UGT1A5: variants seen among roughly 807,000 people sequenced by gnomAD.
UGT1A5 encodes the protein UDP-glucuronosyltransferase 1A5.
A neutral mutation model predicts 40.3 loss-of-function variants in UGT1A5; 29 were observed. That is an observed-to-expected ratio of 0.72 (90% confidence interval 0.54 to 0.98). The LOEUF (loss-of-function observed/expected upper bound fraction) is 0.98. Among genes scored for constraint, UGT1A5 ranks in the 50% least tolerant of loss-of-function variants. UGT1A5 has a pLI of 0.00. For synonymous variants in UGT1A5, 257 were observed against 262.5 expected (o/e 0.98, Z 0.20); for missense variants, 678 against 677.9 (o/e 1.00, Z 0.00).
chr2:233,761,244 C>A lies in UGT1A5; in HGVS notation c.868-5790C>A, dbSNP rs555483711. 5.0e-6 allele frequency: 8 copies of A among 1,610,826 alleles called. No homozygotes were observed. In the African/African-American group the frequency reaches 1.1e-4, roughly 21 times the overall value. On this transcript the variant is annotated intron_variant, in intron 1 of 4. Transcript: ENST00000373414. ...TAGCCCCAGATATATGCTGAGCAAG[C>A]ATTCTGAGATAATTTAAAATGCCCT...
At chr2:233,721,362 A>G (rs1341884248) in intron 1 of UGT1A5, among the ~76,000 whole-genome samples, 1 of 152,182 alleles carries the variant, frequency 6.6e-6, no homozygotes, top group Non-Finnish European at 1.5e-5. Flanking sequence ...ACTGAACTGC[A>G]CTGGCTCAAA....
At chr2:233,721,816 C>A (rs1463155812) in intron 1 of UGT1A5, 4 of 516,128 alleles carry the variant, frequency 7.8e-6, no homozygotes, top group Non-Finnish European at 1.6e-5. Context: ...AAATCCAGCA[C>A]CCTATTTGGG....
chr2:233,722,177 A>G (rs1303891517), intron 1 of UGT1A5: 1 of 157,672 alleles, frequency 6.3e-6, no homozygotes, highest in East Asian at 1.9e-4. Context: ...GACCTTTGCC[A>G]TGTTCGTGCC....
At chr2:233,741,305 C>T (rs1177807292) in intron 1 of UGT1A5, among the ~76,000 whole-genome samples, 1 of 151,474 alleles carries the variant, frequency 6.6e-6, no homozygotes, top group Non-Finnish European at 1.5e-5. Context: ...TGTGTAGATA[C>T]ACACCAACTC....
In UGT1A5 at chr2:233,731,687, A is replaced by G. The variant is rs552192672; in HGVS notation, c.867+17829A>G. Among the ~76,000 whole-genome samples, 734 of 152,308 alleles carry G rather than the reference A, an allele frequency of 4.8e-3. 10 individuals carry two copies. Among genetic ancestry groups the G allele is most frequent in the African/African-American group, 0.017 (699 of 41,550 alleles). On this transcript the variant is annotated intron_variant, in intron 1 of 4. Coordinates refer to ENST00000373414, the MANE Select transcript of UGT1A5 (RefSeq NM_019078.2). ...ATTTTCTTAATCCAGTCTATCATTG[A>G]TGGACATTTGGATTGGTTCCAGGTC...
chr2:233,734,123 A>ATAAT (rs1384319848), intron 1 of UGT1A5, among the ~76,000 whole-genome samples: 1 of 151,918 alleles, frequency 6.6e-6, no homozygotes, highest in Non-Finnish European at 1.5e-5. Context: ...AATAATAATA[A>ATAAT]AAAGAATTTG....
chr2:233,759,780 G>C (rs1697251948), intron 1 of UGT1A5, among the ~76,000 whole-genome samples: 1 of 152,286 alleles, frequency 6.6e-6, no homozygotes, highest in South Asian at 2.1e-4. Context: ...TTGGACGAAG[G>C]AATGAAACAC....
At chr2:233,731,174 T>A (rs1363213399) in intron 1 of UGT1A5, among the ~76,000 whole-genome samples, 2 of 152,202 alleles carry the variant, frequency 1.3e-5, no homozygotes, top group Admixed American at 6.5e-5. Context: ...ATGATTTTTT[T>A]ATGCAATGTA....
intron 4 of UGT1A5, among the ~76,000 whole-genome samples, chr2:233,771,893 A>G (rs546838054): frequency 6.6e-6 from 1 of 150,952 alleles, no homozygotes; most frequent in Admixed American, 6.6e-5. Flanking sequence ...TCTTAATTAT[A>G]ACCTTTCAGG....
Position 233,753,486 on chromosome 2 carries a change from C to T in UGT1A5, c.868-13548C>T, listed in dbSNP as rs1410623213. The T allele has an allele frequency of 2.0e-5, 3 of 152,196 alleles. No homozygotes were observed. The East Asian group carries it at 5.8e-4, about 29-fold the overall frequency. 9.4% of individuals were successfully genotyped at this position (152,196 alleles called of 1,614,324 possible). On this transcript the variant is annotated intron_variant, in intron 1 of 4. Coordinates refer to ENST00000373414, the MANE Select transcript of UGT1A5 (RefSeq NM_019078.2). ...TGTAAAAAATTACCAGCATGCTGCT[C>T]TTAATTTTTTTCAGCCTGTCTAGTT... is the stretch of plus-strand genomic sequence containing the variant.
chr2:233,766,893 T>C (rs1364703426), intron 1 of UGT1A5, 141 bp from the exon 2 acceptor site: 21 of 1,472,754 alleles, frequency 1.4e-5, no homozygotes. Flanking sequence ...AACTTACATA[T>C]TAATAATTTT....
intron 1 of UGT1A5, chr2:233,721,762 T>C (rs1308091400): frequency 4.2e-6 from 2 of 475,048 alleles, no homozygotes; most frequent in Non-Finnish European, 8.4e-6. Context: ...ATCTAAATTG[T>C]TATATTTAGC....
At chr2:233,764,944 G>A (rs994254200) in intron 1 of UGT1A5, among the ~76,000 whole-genome samples, 1 of 152,160 alleles carries the variant, frequency 6.6e-6, no homozygotes, top group South Asian at 2.1e-4. Flanking sequence ...AGAGTGGCGG[G>A]GAGAGAGGGC....
intron 1 of UGT1A5, chr2:233,760,443 G>C (rs773136953): frequency 6.2e-7 from 1 of 1,614,250 alleles, no homozygotes; most frequent in South Asian, 1.1e-5. Flanking sequence ...AGCTGCAGCA[G>C]AGGGGACATG....
At position 233,719,606 on chromosome 2, in the gene UGT1A5, G is replaced by A. The variant is rs762263930; in HGVS notation, c.867+5748G>A. The A allele has an allele frequency of 4.3e-6, 7 of 1,614,054 alleles. No individual in the cohort carries two copies. In the East Asian group the frequency reaches 1.3e-4, roughly 31 times the overall value. On this transcript the variant is annotated intron_variant, in intron 1 of 4. Transcript: ENST00000373414. ...TGTGGCTGTTCCGAGGGGACTTTGTGATGGACTACCCCAGGCCGATCATGC... is the reference window on the plus strand; with the variant it reads ...TGTGGCTGTTCCGAGGGGACTTTGTAATGGACTACCCCAGGCCGATCATGC...
chr2:233,736,247 TA>T (rs1432659624), intron 1 of UGT1A5, among the ~76,000 whole-genome samples: 1 of 152,216 alleles, frequency 6.6e-6, no homozygotes, highest in Non-Finnish European at 1.5e-5. Context: ...CTTCTCACTT[TA>T]TTTCATTAAT....
At chr2:233,748,450 A>G (rs1693947199) in intron 1 of UGT1A5, among the ~76,000 whole-genome samples, 1 of 151,796 alleles carries the variant, frequency 6.6e-6, no homozygotes, top group South Asian at 2.1e-4. Flanking sequence ...CACAATTTTC[A>G]GGGGAAAGAT....
chr2:233,767,888 G>A lies in UGT1A5; in HGVS notation c.1039G>A (p.Ala347Thr), dbSNP rs771899094. 2 of 1,614,028 alleles carry A rather than the reference G, an allele frequency of 1.2e-6. No individual in the cohort carries two copies. The highest frequency in any genetic ancestry group is 3.3e-5 in the Admixed American group (2 of 60,002). The stretch of plus-strand genomic sequence containing the variant: ...CACTGGAACCCGACCATCGAATCTT[G>A]CGAACAACACGATACTTGTTAAGTG... ...RYTGTRPSNL[A>T]NNTILVKWLP... Residue 347 changes from alanine to threonine, a missense_variant, in exon 3 of 5, where the codon GCG becomes ACG. By Grantham distance (58) the Ala-to-Thr change is moderately conservative. Transcript: ENST00000373414.
chr2:233,735,710 G>A (rs2078686166), intron 1 of UGT1A5, among the ~76,000 whole-genome samples: 1 of 152,114 alleles, frequency 6.6e-6, no homozygotes, highest in Non-Finnish European at 1.5e-5. Context: ...GCCTGGTGGT[G>A]ACAAAATCTC....
Sources: gnomAD v4.1 joint callset for allele counts (sites outside exome capture counted in the v4.1 genomes callset) on GRCh38, gnomAD v4.1.1 for gene constraint, MANE v1.5 for transcripts, NCBI Gene and HGNC (gene_info 2026-07-23, HGNC 2026-07-21) for gene names.